Variants in PRR5L observed in about 807,000 individuals in gnomAD.
PRR5L encodes proline rich 5 like.
In PRR5L, 21 loss-of-function variants were observed where a neutral mutation model predicts 36.4. The ratio of observed to expected loss-of-function variants is 0.58; its 90% CI spans 0.41 to 0.83. The LOEUF (loss-of-function observed/expected upper bound fraction) is 0.83, where lower values mean the gene tolerates loss of function less well. Ranked by LOEUF, PRR5L falls within the 40% of genes least tolerant of loss-of-function variation. The pLI is 0.00. For missense variants in PRR5L, 381 were observed against 473.3 expected, an observed-to-expected ratio of 0.80 and a Z score of 1.81; for synonymous variants, 188 against 197.0, an observed-to-expected ratio of 0.95 and a Z score of 0.38.
chr11:36,341,582 C>T (rs1425419519), intron 1 of PRR5L, among the ~76,000 whole-genome samples: 1 of 152,174 alleles, frequency 6.6e-6, no homozygotes, highest in African/African-American at 2.4e-5. Context: ...TAAGACCACC[C>T]ACAGCTCTGG....
chr11:36,320,410 AT>A (rs11295715), intron 1 of PRR5L, among the ~76,000 whole-genome samples: 129,419 of 151,626 alleles, frequency 0.85, 55,450 homozygotes, highest in East Asian at 0.98. Flanking sequence ...CACGCAGCTA[AT>A]TTTTTTTTAT....
intron 1 of PRR5L, among the ~76,000 whole-genome samples, chr11:36,318,640 G>C (rs1856582164): frequency 6.6e-6 from 1 of 152,174 alleles, no homozygotes; most frequent in Non-Finnish European, 1.5e-5. Flanking sequence ...AAAAGAAAAG[G>C]AGGAAATTTT....
intron 5 of PRR5L, 35 bp downstream of exon 5, chr11:36,431,945 C>T: frequency 6.3e-7 from 1 of 1,576,542 alleles, no homozygotes; most frequent in Non-Finnish European, 8.7e-7. Flanking sequence ...ACTGGGGCCT[C>T]TGTGACTCAG....
chr11:36,349,049 C>T (rs190976454), intron 1 of PRR5L, among the ~76,000 whole-genome samples: 13 of 152,112 alleles, frequency 8.5e-5, no homozygotes, highest in South Asian at 6.2e-4. Context: ...CTTTGGGAGA[C>T]GAAGGTGAGC....
At chr11:36,401,446 A>G (rs1857794647) in intron 2 of PRR5L, among the ~76,000 whole-genome samples, 161 bp downstream of exon 2, 8 of 152,056 alleles carry the variant, frequency 5.3e-5, no homozygotes, top group Admixed American at 3.9e-4. Context: ...TTTTTAAGAG[A>G]CAGGGTCTCA....
At chr11:36,429,080 T>C (rs1164284698) in intron 4 of PRR5L, among the ~76,000 whole-genome samples, 1 of 152,160 alleles carries the variant, frequency 6.6e-6, no homozygotes, top group Admixed American at 6.5e-5. Context: ...AAGGTCTCCT[T>C]GAAGGGAGAA....
rs560824883 is a variant in PRR5L at position 36,410,429 on chromosome 11, G to T, written c.245+7051G>T. 3.3e-5 allele frequency among the ~76,000 whole-genome samples: 5 copies of T among 152,208 alleles called. No homozygotes were observed. In the East Asian group the frequency reaches 5.8e-4, roughly 18 times the overall value. On this transcript the variant is annotated intron_variant, in intron 3 of 8. Transcript: ENST00000530639. ...CCTGCCTGCCCCTGTGGCATGGGGGGTACCACTGCCTGATTAGGTTGGCCT... is the reference window on the plus strand; with the variant it reads ...CCTGCCTGCCCCTGTGGCATGGGGGTTACCACTGCCTGATTAGGTTGGCCT...
intron 1 of PRR5L, among the ~76,000 whole-genome samples, chr11:36,333,342 C>T (rs757157024): frequency 7.2e-5 from 11 of 152,142 alleles, no homozygotes; most frequent in Non-Finnish European, 1.0e-4. Flanking sequence ...TATTGCTAAA[C>T]ATACACCTAC....
intron 1 of PRR5L, among the ~76,000 whole-genome samples, chr11:36,296,710 A>T (rs1856315198): frequency 6.6e-6 from 1 of 152,180 alleles, no homozygotes; most frequent in Non-Finnish European, 1.5e-5. Context: ...AGATTTACTG[A>T]GGTGGCTGTT....
intron 5 of PRR5L, among the ~76,000 whole-genome samples, chr11:36,437,148 G>A (rs12223629): frequency 0.24 from 36,491 of 151,944 alleles, 4,523 homozygotes; most frequent in East Asian, 0.41. Context: ...GGATCAATAC[G>A]TGCACCCTTG....
Position 36,319,368 on chromosome 11 carries a change from C to T in PRR5L, c.-126+22930C>T, listed in dbSNP as rs114151897. On this transcript the variant is annotated intron_variant, in intron 1 of 8. Transcript: ENST00000530639. The stretch of plus-strand genomic sequence containing the variant: ...AAGCAGACAGAAGCCAAGAGATGGA[C>T]GGATTGGGTTTTAGAAATGTCATCT... 7.8e-3 allele frequency among the ~76,000 whole-genome samples: 1,190 copies of T among 152,322 alleles called. 19 individuals are homozygous for T. The highest frequency in any genetic ancestry group is 0.028 in the African/African-American group (1,144 of 41,566).
At chr11:36,406,655 T>A (rs1857918235) in intron 3 of PRR5L, among the ~76,000 whole-genome samples, 1 of 152,212 alleles carries the variant, frequency 6.6e-6, no homozygotes, top group Admixed American at 6.5e-5. Flanking sequence ...TTGATTTTCC[T>A]TTTGGAAGAC....
chr11:36,375,801 CCT>C (rs1159174305), intron 1 of PRR5L, among the ~76,000 whole-genome samples: 11 of 152,150 alleles, frequency 7.2e-5, no homozygotes, highest in African/African-American at 2.4e-5. Context: ...ATTCATGAAA[CCT>C]GCAGTTAGAA....
At chr11:36,337,104 C>G (rs1371558352) in intron 1 of PRR5L, among the ~76,000 whole-genome samples, 1 of 152,118 alleles carries the variant, frequency 6.6e-6, no homozygotes, top group African/African-American at 2.4e-5. Context: ...AAAGCAACAA[C>G]CTTTTCAACA....
chr11:36,445,567 A>T (rs1165236625), intron 6 of PRR5L, among the ~76,000 whole-genome samples: 1 of 152,158 alleles, frequency 6.6e-6, no homozygotes, highest in Non-Finnish European at 1.5e-5. Context: ...TCTAAAATCA[A>T]GAAGTTTGGG....
intron 8 of PRR5L, among the ~76,000 whole-genome samples, chr11:36,461,450 C>A (rs1440451564): frequency 6.6e-6 from 1 of 152,026 alleles, no homozygotes; most frequent in Non-Finnish European, 1.5e-5. Flanking sequence ...TGGTGAAACC[C>A]CGTCTCTAGT....
intron 1 of PRR5L, among the ~76,000 whole-genome samples, chr11:36,343,741 A>G (rs1425513366): frequency 2.0e-5 from 3 of 152,204 alleles, no homozygotes; most frequent in Non-Finnish European, 2.9e-5. Context: ...TGATTCTCGC[A>G]ATGACGCCGT....
At chr11:36,314,517 C>A (rs1472473095) in intron 1 of PRR5L, among the ~76,000 whole-genome samples, 1 of 152,216 alleles carries the variant, frequency 6.6e-6, no homozygotes, top group Non-Finnish European at 1.5e-5. Flanking sequence ...TTCAGGATTT[C>A]TTCTCTCCAA....
rs1182277948 is a variant in PRR5L, at chr11:36,351,534, TAA to T, written c.-125-49461_-125-49460del. ...ATTTATATATATTTATATATTTATATAAATATATATTTATATATATTTATATA... is the reference window on the plus strand; with the variant it reads ...ATTTATATATATTTATATATTTATATATATATATTTATATATATTTATATA... On this transcript the variant is annotated intron_variant, in intron 1 of 8. Coordinates refer to ENST00000530639, the MANE Select transcript of PRR5L (RefSeq NM_001160167.2). Among the ~76,000 whole-genome samples the T allele has an allele frequency of 7.3e-3, 64 of 8,798 alleles. 8 individuals are homozygous for T. The highest frequency in any genetic ancestry group is 0.017 in the African/African-American group (30 of 1,728). 5.8% of individuals were successfully genotyped at this position (8,798 alleles called of 152,430 possible).
Sources: gnomAD v4.1 joint callset for allele counts (sites outside exome capture counted in the v4.1 genomes callset) on GRCh38, gnomAD v4.1.1 for gene constraint, MANE v1.5 for transcripts, NCBI Gene and HGNC (gene_info 2026-07-23, HGNC 2026-07-21) for gene names.